The following MTIF2 variants were observed in gnomAD, a reference collection of about 807,000 sequenced individuals.
MTIF2 encodes mitochondrial translational initiation factor 2.
MTIF2 carries 71 observed loss-of-function variants against 83.5 expected under a neutral mutation model. That is an observed-to-expected ratio of 0.85 (90% confidence interval 0.70 to 1.04). The LOEUF (loss-of-function observed/expected upper bound fraction) is 1.04, where lower values mean the gene tolerates loss of function less well. Ranked by LOEUF, MTIF2 falls within the 50% of genes least tolerant of loss-of-function variation. The pLI, the probability that MTIF2 is intolerant of heterozygous loss-of-function variation, is 0.00. For synonymous variants in MTIF2, 319 were observed against 287.1 expected (o/e 1.11, Z -1.12); for missense variants, 957 against 846.5 (o/e 1.13, Z -1.62).
rs962431253 is a variant in MTIF2, at chr2:55,267,242, C to T, written c.-8+327G>A. Among the ~76,000 whole-genome samples the T allele has an allele frequency of 2.6e-4, 40 of 152,060 alleles. 1 individual carries two copies. Among genetic ancestry groups the T allele is most frequent in the African/African-American group, 9.7e-4 (40 of 41,418 alleles). Reference sequence around the variant, plus strand: ...CGTGATCTTGGCTCACTACAACCTCCACCTGCTGGGTTCAGGGGATTCTCC... The same window carrying T: ...CGTGATCTTGGCTCACTACAACCTCTACCTGCTGGGTTCAGGGGATTCTCC... On this transcript the variant is annotated intron_variant, in intron 3 of 15. Transcript: ENST00000263629.
intron 15 of MTIF2, 108 bp downstream of exon 15, chr2:55,237,180 C>T (rs2104249660): frequency 7.9e-7 from 1 of 1,266,766 alleles, no homozygotes; most frequent in South Asian, 1.5e-5. Context: ...AAGAAATGGC[C>T]TGAGCTGAGA....
intron 3 of MTIF2, among the ~76,000 whole-genome samples, chr2:55,266,924 C>T (rs993855454): frequency 1.1e-4 from 16 of 151,782 alleles, no homozygotes; most frequent in Admixed American, 9.2e-4. Context: ...TGTGTGCCAC[C>T]GTGTCAGGCT....
chr2:55,263,945 C>G, intron 3 of MTIF2, 80 bp from the exon 4 acceptor site: 1 of 996,718 alleles, frequency 1.0e-6, no homozygotes, highest in Non-Finnish European at 1.5e-6. Flanking sequence ...ATATGCATAG[C>G]ACTGGACTAC....
At chr2:55,250,433 A>G (rs1486476043) in intron 8 of MTIF2, among the ~76,000 whole-genome samples, 1 of 151,734 alleles carries the variant, frequency 6.6e-6, no homozygotes, top group Non-Finnish European at 1.5e-5. Flanking sequence ...AAAAAAAAAA[A>G]TCATGGGAAG....
At chr2:55,247,351 G>A (rs1214231294) in intron 9 of MTIF2, among the ~76,000 whole-genome samples, 1 of 152,164 alleles carries the variant, frequency 6.6e-6, no homozygotes, top group Admixed American at 6.5e-5. Context: ...GAGGTTAGGA[G>A]TTCAAGACCA....
chr2:55,263,187 C>T (rs1678169650), intron 4 of MTIF2, among the ~76,000 whole-genome samples: 1 of 152,178 alleles, frequency 6.6e-6, no homozygotes, highest in Non-Finnish European at 1.5e-5. Flanking sequence ...CCAACGAACA[C>T]TCCCATAAGT....
Position 55,243,530 on chromosome 2 carries a change from G to A in MTIF2, c.1450C>T (p.Leu484=). ...AGAATTGATCTCTTCTTCCACAGTA[G>A]ATGGCCATACTTCTCACGGGCTTTC... ...HQKAREKYGH[L]LWKKRSILRF... The change falls in exon 12 of 16, where the codon CTA becomes TTA. Residue 484 remains leucine, a synonymous_variant. Coordinates refer to ENST00000263629, the MANE Select transcript of MTIF2 (RefSeq NM_002453.3). The A allele has an allele frequency of 2.5e-6, 4 of 1,613,952 alleles. No homozygotes were observed. The highest frequency in any genetic ancestry group is 1.1e-5 in the South Asian group (1 of 91,078).
In MTIF2 at chr2:55,236,748, CTG is replaced by C. The variant is rs1435915675; in HGVS notation, c.2082_2083del (p.Ser695PhefsTer3). 1 of 1,612,092 alleles carries C rather than the reference CTG, an allele frequency of 6.2e-7. No individual in the cohort carries two copies. Among genetic ancestry groups the C allele is most frequent in the African/African-American group, 1.3e-5 (1 of 74,862 alleles). On this transcript the variant is annotated frameshift_variant, in exon 16 of 16. Transcript: ENST00000263629. LOFTEE classifies it high-confidence loss of function. ...AAATTCCATATTGTCTTCATCTAAA[CTG>C]AGACCACAATCCATTCCCGTTTTGA...
rs1238549754 is a variant in MTIF2, at chr2:55,254,983, GT to G, written c.332-159del. Among the ~76,000 whole-genome samples, 10 of 152,092 alleles carry G rather than the reference GT, an allele frequency of 6.6e-5. No individual in the cohort carries two copies. The East Asian group carries it at 1.7e-3, about 26-fold the overall frequency. ...ACAAATCACAAGGAAGCTAAAAAATGTTTTTTAATTATTTAAAATATGATAC... is the reference window on the plus strand; with the variant it reads ...ACAAATCACAAGGAAGCTAAAAAATGTTTTTAATTATTTAAAATATGATAC... On this transcript the variant is annotated intron_variant, in intron 5 of 15. Transcript: ENST00000263629.
intron 5 of MTIF2, 82 bp downstream of exon 5, chr2:55,262,234 T>G (rs2104457331): frequency 1.1e-6 from 1 of 925,254 alleles, no homozygotes; most frequent in Middle Eastern, 2.1e-4. Context: ...TTTTAATCTT[T>G]CAATGCCTTA....
intron 4 of MTIF2, 81 bp from the exon 5 acceptor site, chr2:55,262,508 C>T: frequency 1.3e-6 from 1 of 756,550 alleles, no homozygotes; most frequent in Non-Finnish European, 2.2e-6. Context: ...AAATATCTAC[C>T]ACAATCATAG....
rs1182839370 is a variant in MTIF2, at chr2:55,263,793, G to T, written c.66C>A (p.His22Gln). 2.5e-6 allele frequency: 4 copies of T among 1,613,838 alleles called. No individual in the cohort carries two copies. The Admixed American group carries it at 6.7e-5, about 27-fold the overall frequency. ...LRFHTIYRQLHSLCQRRALRQ... is the reference protein window; with the variant it reads ...LRFHTIYRQLQSLCQRRALRQ... Reference sequence around the variant, plus strand: ...TTAATGCTCTTCTTTGACACAGACTGTGCAGTTGCCTATAAATAGTGTGAA... The same window carrying T: ...TTAATGCTCTTCTTTGACACAGACTTTGCAGTTGCCTATAAATAGTGTGAA... The change falls in exon 4 of 16, where the codon CAC becomes CAA. Residue 22 changes from histidine to glutamine, a missense_variant. By Grantham distance (24) the His-to-Gln change is conservative (BLOSUM62 0). Around this residue, in one of 3 missense-constraint regions of MTIF2, gnomAD observed 733 missense variants for 648.7 expected, o/e 1.13. Transcript: ENST00000263629.
intron 5 of MTIF2, among the ~76,000 whole-genome samples, chr2:55,256,767 C>T (rs1055441040): frequency 1.3e-5 from 2 of 151,870 alleles, no homozygotes; most frequent in Non-Finnish European, 2.9e-5. Flanking sequence ...TGCAGTGGCA[C>T]AATCCTAACT....
intron 5 of MTIF2, among the ~76,000 whole-genome samples, chr2:55,262,074 A>G (rs2104456501): frequency 6.6e-6 from 1 of 152,334 alleles, no homozygotes; most frequent in African/African-American, 2.4e-5. Context: ...GAGAAAGAAA[A>G]CTTAATTCGT....
chr2:55,259,406 T>G (rs940519872), intron 5 of MTIF2, among the ~76,000 whole-genome samples: 3 of 152,048 alleles, frequency 2.0e-5, no homozygotes, highest in African/African-American at 7.2e-5. Flanking sequence ...TACTGCTCCA[T>G]GAGACTAAAT....
At chr2:55,252,739 C>A (rs998890870) in intron 7 of MTIF2, 86 bp from the exon 8 acceptor site, 53 of 876,514 alleles carry the variant, frequency 6.0e-5, no homozygotes, top group Admixed American at 2.0e-4. Flanking sequence ...TATCAGAAAC[C>A]ATCAATAATT....
rs190994798 is a variant in MTIF2 at position 55,249,400 on chromosome 2, G to A, written c.976C>T (p.Leu326Phe). 1.2e-5 allele frequency: 20 copies of A among 1,614,080 alleles called. 1 individual carries two copies. The Middle Eastern group carries it at 5.0e-4, about 40-fold the overall frequency. The change falls in exon 9 of 16, where the codon CTT becomes TTT. Residue 326 changes from leucine to phenylalanine, a missense_variant. Physicochemically the swap from Leu to Phe is conservative, Grantham distance 22. Transcript: ENST00000263629. ...TATGAGGTCCCCGCATTTACCGTAAGTGCGGAGACAGGCACTGCTTGAACA... is the reference window on the plus strand; with the variant it reads ...TATGAGGTCCCCGCATTTACCGTAAATGCGGAGACAGGCACTGCTTGAACA... ...GDVQAVPVSA[L>F]TGDNLMALAE...
Position 55,243,514 on chromosome 2 carries a change from C to G in MTIF2, c.1466G>C (p.Arg489Thr). 2 of 1,613,990 alleles carry G rather than the reference C, an allele frequency of 1.2e-6. No individual in the cohort carries two copies. Among genetic ancestry groups the G allele is most frequent in the Non-Finnish European group, 8.5e-7 (1 of 1,179,972 alleles). ...TCTTTCTAAAAACCGTAGAATTGAT[C>G]TCTTCTTCCACAGTAGATGGCCATA... is the stretch of plus-strand genomic sequence containing the variant. The part of the protein sequence containing the change: ...EKYGHLLWKK[R>T]SILRFLERKE... Residue 489 changes from arginine to threonine, a missense_variant, in exon 12 of 16, where the codon AGA becomes ACA. By Grantham distance (71) the Arg-to-Thr change is moderately conservative. Coordinates refer to ENST00000263629, the MANE Select transcript of MTIF2 (RefSeq NM_002453.3).
intron 13 of MTIF2, among the ~76,000 whole-genome samples, chr2:55,242,499 T>C (rs552114776): frequency 6.6e-6 from 1 of 152,276 alleles, no homozygotes; most frequent in Admixed American, 6.5e-5. Flanking sequence ...TGTAAAAAGA[T>C]ACGATGTATA....
Sources: allele counts gnomAD v4.1 joint callset (sites outside exome capture counted in the v4.1 genomes callset), GRCh38; gene constraint gnomAD v4.1.1; regional missense constraint gnomAD v4.1.1; transcripts MANE v1.5; gene names NCBI Gene and HGNC (gene_info 2026-07-23, HGNC 2026-07-21).